Variants in MAP3K20 observed in about 807,000 individuals in gnomAD.
MAP3K20 encodes mitogen-activated protein kinase kinase kinase 20.
In MAP3K20, 40 loss-of-function variants were observed where a neutral mutation model predicts 85.7. That is an observed-to-expected ratio of 0.47 (90% CI 0.36 to 0.61). The LOEUF (loss-of-function observed/expected upper bound fraction) is 0.61. Ranked by LOEUF, MAP3K20 falls within the 20% of genes least tolerant of loss-of-function variation. The pLI, the probability that MAP3K20 is intolerant of heterozygous loss-of-function variation, is 0.00. For synonymous variants in MAP3K20, 325 were observed against 327.7 expected (o/e 0.99, Z 0.09); for missense variants, 817 against 961.7 (o/e 0.85, Z 1.99).
chr2:173,261,161 G>A, intron 18 of MAP3K20, 24 bp downstream of exon 18: 1 of 1,610,270 alleles, frequency 6.2e-7, no homozygotes, highest in Non-Finnish European at 8.5e-7. Context: ...GCAAGAGGCT[G>A]GTGGCCTCAC....
intron 11 of MAP3K20, chr2:173,226,896 T>G: frequency 1.0e-6 from 1 of 984,950 alleles, no homozygotes; most frequent in Non-Finnish European, 1.2e-6. Flanking sequence ...ATTATTCTAT[T>G]GCAATGTTAT....
At chr2:173,103,660 A>G (rs1202124523) in intron 2 of MAP3K20, among the ~76,000 whole-genome samples, 1 of 152,242 alleles carries the variant, frequency 6.6e-6, no homozygotes, top group Non-Finnish European at 1.5e-5. Context: ...AGCACTTCGC[A>G]TAGATTCTCT....
At chr2:173,128,854 A>G (rs977526264) in intron 2 of MAP3K20, among the ~76,000 whole-genome samples, 3 of 151,156 alleles carry the variant, frequency 2.0e-5, no homozygotes, top group Non-Finnish European at 4.4e-5. Flanking sequence ...AATTTCAACT[A>G]TTTTATATGA....
chr2:173,233,258 A>C (rs985861438), intron 14 of MAP3K20, among the ~76,000 whole-genome samples: 4 of 152,212 alleles, frequency 2.6e-5, no homozygotes, highest in Admixed American at 6.5e-5. Context: ...ACCTAAGCCA[A>C]TGCAGTAACC....
chr2:173,084,286 G>A (rs1037289357), intron 1 of MAP3K20, among the ~76,000 whole-genome samples: 3 of 152,102 alleles, frequency 2.0e-5, no homozygotes, highest in African/African-American at 4.8e-5. Context: ...TGGGTTAGAC[G>A]TGCAATTGAC....
At chr2:173,233,952 C>T (rs892989210) in intron 14 of MAP3K20, among the ~76,000 whole-genome samples, 1 of 152,170 alleles carries the variant, frequency 6.6e-6, no homozygotes, top group Non-Finnish European at 1.5e-5. Context: ...TCATGCATAG[C>T]GTATTTCCCA....
At position 173,267,771 on chromosome 2, in the gene MAP3K20, G is replaced by T. The variant is rs796247247; in HGVS notation, c.*1021G>T. ...ATAACATCACAAGCTAAAAGCCAGAGAAATTTAAAATTACCAACATCCTTG... is the reference window on the plus strand; with the variant it reads ...ATAACATCACAAGCTAAAAGCCAGATAAATTTAAAATTACCAACATCCTTG... On this transcript the variant is annotated 3_prime_UTR_variant, in exon 20 of 20. Transcript: ENST00000375213. 1.3e-5 allele frequency: 2 copies of T among 152,282 alleles called. No individual in the cohort carries two copies. The highest frequency in any genetic ancestry group is 3.9e-4 in the East Asian group (2 of 5,186). 9.4% of individuals were successfully genotyped at this position (152,282 alleles called of 1,614,324 possible). A position where few individuals can be genotyped will look rare whatever the true frequency, so the allele number is the denominator to read the frequency against.
chr2:173,209,650 G>C, intron 9 of MAP3K20, 79 bp from the exon 10 acceptor site: 1 of 1,181,302 alleles, frequency 8.5e-7, no homozygotes, highest in Non-Finnish European at 1.2e-6. Flanking sequence ...TTATTACTAT[G>C]CTTGTAGTAT....
intron 2 of MAP3K20, among the ~76,000 whole-genome samples, chr2:173,164,151 G>A (rs570500641): frequency 6.6e-6 from 1 of 152,170 alleles, no homozygotes; most frequent in Admixed American, 6.5e-5. Context: ...GCAGAAACAG[G>A]TTTTCACCAT....
At chr2:173,152,770 A>G (rs1450275523) in intron 2 of MAP3K20, among the ~76,000 whole-genome samples, 1 of 152,224 alleles carries the variant, frequency 6.6e-6, no homozygotes, top group African/African-American at 2.4e-5. Context: ...TACGTAGGTC[A>G]ACTCTAGTAA....
At position 173,249,548 on chromosome 2, in the gene MAP3K20, C is replaced by T. The variant is rs182097740; in HGVS notation, c.1360-9151C>T. On this transcript the variant is annotated intron_variant, in intron 16 of 19. Coordinates refer to ENST00000375213, the MANE Select transcript of MAP3K20 (RefSeq NM_016653.3). Reference sequence around the variant, plus strand: ...AAGTCATGGGGTGGGAGGAGAAGAACCTAGGAGGTAGAACAGCTGTTTTTA... The same window carrying T: ...AAGTCATGGGGTGGGAGGAGAAGAATCTAGGAGGTAGAACAGCTGTTTTTA... Among the ~76,000 whole-genome samples, 166 of 152,108 alleles carry T rather than the reference C, an allele frequency of 1.1e-3. 2 individuals are homozygous for T. Among genetic ancestry groups the T allele is most frequent in the African/African-American group, 3.9e-3 (161 of 41,536 alleles).
chr2:173,213,936 C>T (rs1176293525), intron 10 of MAP3K20, among the ~76,000 whole-genome samples: 1 of 152,136 alleles, frequency 6.6e-6, no homozygotes, highest in African/African-American at 2.4e-5. Context: ...TCCCCTTTCC[C>T]CCCAACTTTT....
chr2:173,256,480 AATAGATAGATAGATAGATAGATAGATAG>A (rs56269594), intron 16 of MAP3K20, among the ~76,000 whole-genome samples: 101 of 149,372 alleles, frequency 6.8e-4, no homozygotes, highest in Non-Finnish European at 9.9e-4. Context: ...AATTTAAAAA[AATAGATAGATAGATAGATAGATAGATAG>A]ATAGATAGAT....
intron 2 of MAP3K20, among the ~76,000 whole-genome samples, chr2:173,111,303 G>T (rs541284169): frequency 6.6e-6 from 1 of 152,012 alleles, no homozygotes; most frequent in South Asian, 2.1e-4. Flanking sequence ...ATGTGAGTTT[G>T]TTGTAGATTC....
chr2:173,229,108 C>T (rs1684458295), intron 11 of MAP3K20, among the ~76,000 whole-genome samples: 1 of 152,226 alleles, frequency 6.6e-6, no homozygotes, highest in African/African-American at 2.4e-5. Flanking sequence ...ACTTGTGAAC[C>T]TCACAGGGAG....
At chr2:173,199,173 G>A (rs537746938) in intron 8 of MAP3K20, among the ~76,000 whole-genome samples, 2 of 152,278 alleles carry the variant, frequency 1.3e-5, no homozygotes, top group African/African-American at 4.8e-5. Context: ...CCAGGTGAAT[G>A]CAGGAACAAA....
At chr2:173,112,626 C>A (rs1324079599) in intron 2 of MAP3K20, among the ~76,000 whole-genome samples, 1 of 152,042 alleles carries the variant, frequency 6.6e-6, no homozygotes, top group Non-Finnish European at 1.5e-5. Flanking sequence ...AATCATAAAG[C>A]GATGCTGGAT....
At chr2:173,232,073 T>C (rs1559292042) in intron 12 of MAP3K20, 119 bp from the exon 13 acceptor site, 2 of 1,257,514 alleles carry the variant, frequency 1.6e-6, no homozygotes, top group Non-Finnish European at 2.3e-6. Context: ...TATTTTACCT[T>C]TGTGGTTGAG....
At chr2:173,220,042 T>TGGGC (rs1307248806) in intron 11 of MAP3K20, among the ~76,000 whole-genome samples, 3 of 135,994 alleles carry the variant, frequency 2.2e-5, no homozygotes, top group Non-Finnish European at 3.0e-5. Context: ...CACTCCAGCC[T>TGGGC]GGGCAACAGT....
Sources: allele counts gnomAD v4.1 joint callset (sites outside exome capture counted in the v4.1 genomes callset), GRCh38; gene constraint gnomAD v4.1.1; transcripts MANE v1.5; gene names NCBI Gene and HGNC (gene_info 2026-07-23, HGNC 2026-07-21).